The following KRABD5 variants were observed in gnomAD, a reference collection of about 807,000 sequenced individuals.
The protein encoded by KRABD5 is KRAB domain-containing protein 5.
chr16:31,718,672 T>C, the KRABD5 span, among the ~76,000 whole-genome samples: 1 of 152,166 alleles, frequency 6.6e-6, no homozygotes, highest in Non-Finnish European at 1.5e-5. Context: ...AGTTAGCTGA[T>C]CAGGTATAGG....
the KRABD5 span, among the ~76,000 whole-genome samples, chr16:31,725,338 G>T: frequency 4.2e-3 from 633 of 152,210 alleles, 4 homozygotes; most frequent in African/African-American, 0.014. Context: ...GGCTGGTCTC[G>T]AATTCCTGGC....
chr16:31,754,318 G>T, the KRABD5 span: 1 of 613,448 alleles, frequency 1.6e-6, no homozygotes. Flanking sequence ...AATATAGAAA[G>T]GTCTTCATTC....
the KRABD5 span, chr16:31,757,917 G>A: frequency 6.6e-6 from 1 of 151,880 alleles, no homozygotes; most frequent in Admixed American, 6.6e-5. Context: ...TAAGATATCT[G>A]GAAGGATGGA....
chr16:31,749,654 T>TAGC, the KRABD5 span, among the ~76,000 whole-genome samples: 1 of 152,114 alleles, frequency 6.6e-6, no homozygotes. Flanking sequence ...CCTGGCTGAG[T>TAGC]AGCACACTCA....
At chr16:31,755,719 G>A in the KRABD5 span, 2 of 383,776 alleles carry the variant, frequency 5.2e-6, no homozygotes, top group African/African-American at 4.2e-5. Flanking sequence ...AATTTCTATA[G>A]TTGTAGTAAA....
the KRABD5 span, among the ~76,000 whole-genome samples, chr16:31,729,069 G>C: frequency 6.6e-6 from 1 of 152,088 alleles, no homozygotes; most frequent in East Asian, 1.9e-4. Flanking sequence ...CAGACAGCCT[G>C]TTTTGTCTAA....
the KRABD5 span, among the ~76,000 whole-genome samples, chr16:31,741,994 C>T: frequency 2.6e-5 from 4 of 151,924 alleles, no homozygotes; most frequent in Admixed American, 6.6e-5. Flanking sequence ...TATGTTCATT[C>T]GTTTGCATGT....
the KRABD5 span, chr16:31,713,440 A>C: frequency 6.2e-7 from 1 of 1,605,036 alleles, no homozygotes; most frequent in Non-Finnish European, 8.5e-7. Context: ...GAAATGGTGA[A>C]TGTGCCAGGT....
chr16:31,723,799 A>G, the KRABD5 span, among the ~76,000 whole-genome samples: 41 of 152,294 alleles, frequency 2.7e-4, no homozygotes, highest in African/African-American at 9.9e-4. Flanking sequence ...TAGATGTCAC[A>G]TATTTTCTGG....
At chr16:31,753,661 A>G in the KRABD5 span, 59 of 1,098,114 alleles carry the variant, frequency 5.4e-5, no homozygotes, top group Non-Finnish European at 6.7e-5. Flanking sequence ...TTTTGATTCA[A>G]CTATCATGGT....
chr16:31,716,997 GTTTTTTTTTTTTTT>G, the KRABD5 span, among the ~76,000 whole-genome samples: 2 of 81,164 alleles, frequency 2.5e-5, no homozygotes, highest in Admixed American at 1.5e-4. Flanking sequence ...GTCAGTCTTT[GTTTTTTTTTTTTTT>G]TTTTTTTTTG....
chr16:31,725,188 T>C, the KRABD5 span, among the ~76,000 whole-genome samples: 7 of 141,618 alleles, frequency 4.9e-5, no homozygotes, highest in African/African-American at 2.1e-4. Context: ...CCATCTTGGC[T>C]CACTACAACC....
At chr16:31,756,356 A>C in the KRABD5 span, 2 of 152,068 alleles carry the variant, frequency 1.3e-5, no homozygotes, top group Non-Finnish European at 2.9e-5. Context: ...GAATTTATTT[A>C]TTACATCAAT....
the KRABD5 span, chr16:31,757,724 A>C: frequency 6.6e-6 from 1 of 152,188 alleles, no homozygotes; most frequent in African/African-American, 2.4e-5. Flanking sequence ...TTAAATGGTG[A>C]ATGCTAGCAT....
chr16:31,718,634 G>C, the KRABD5 span, among the ~76,000 whole-genome samples: 1 of 152,160 alleles, frequency 6.6e-6, no homozygotes, highest in Non-Finnish European at 1.5e-5. Flanking sequence ...ACTGGAGTAG[G>C]GTAATCTTGT....
At chr16:31,731,061 T>A in the KRABD5 span, among the ~76,000 whole-genome samples, 1 of 152,262 alleles carries the variant, frequency 6.6e-6, no homozygotes, top group Non-Finnish European at 1.5e-5. Context: ...ATGATTACTA[T>A]GGCTTTTTAA....
the KRABD5 span, among the ~76,000 whole-genome samples, chr16:31,738,374 G>A: frequency 6.6e-6 from 1 of 152,094 alleles, no homozygotes; most frequent in Non-Finnish European, 1.5e-5. Context: ...ATATATTTGA[G>A]AGGTGTGATG....
the KRABD5 span, among the ~76,000 whole-genome samples, chr16:31,727,860 A>G: frequency 6.6e-6 from 1 of 151,392 alleles, no homozygotes; most frequent in African/African-American, 2.4e-5. Context: ...TCTTTTATGT[A>G]TTTATTTATT....
the KRABD5 span, among the ~76,000 whole-genome samples, chr16:31,735,635 A>T: frequency 1.3e-5 from 2 of 151,910 alleles, no homozygotes; most frequent in South Asian, 4.1e-4. Flanking sequence ...GTGGTATCTC[A>T]TTGTGGTTTG....
Sources: allele counts gnomAD v4.1 joint callset (sites outside exome capture counted in the v4.1 genomes callset), GRCh38; gene constraint gnomAD v4.1.1; transcripts MANE v1.5; gene names NCBI Gene and HGNC (gene_info 2026-07-23, HGNC 2026-07-21).